MAN2B2: variants seen among roughly 807,000 people sequenced by gnomAD.
MAN2B2 encodes the protein epididymis-specific alpha-mannosidase.
In MAN2B2, 106 loss-of-function variants were observed where a neutral mutation model predicts 117.1. The ratio of observed to expected loss-of-function variants is 0.90; its 90% CI spans 0.77 to 1.06. The LOEUF is 1.06. Ranked by LOEUF, MAN2B2 falls within the 50% of genes least tolerant of loss-of-function variation. MAN2B2 has a pLI of 0.00. For missense variants in MAN2B2, 1,326 were observed against 1,381.4 expected (o/e 0.96, Z 0.64); for synonymous variants, 544 against 595.1 (o/e 0.91, Z 1.25).
intron 5 of MAN2B2, among the ~76,000 whole-genome samples, chr4:6,590,016 C>A (rs906483898): frequency 2.5e-4 from 38 of 151,924 alleles, no homozygotes; most frequent in African/African-American, 8.9e-4. Flanking sequence ...ACAGTGAGCT[C>A]TGATGGTACC....
chr4:6,614,419 G>A (rs1711756713), intron 16 of MAN2B2, 64 bp downstream of exon 16: 32 of 1,579,644 alleles, frequency 2.0e-5, no homozygotes, highest in Non-Finnish European at 2.5e-5. Context: ...AGGCCACCGG[G>A]CCCACCACCA....
intron 11 of MAN2B2, among the ~76,000 whole-genome samples, chr4:6,605,584 A>G (rs1010211849): frequency 6.6e-6 from 1 of 151,790 alleles, no homozygotes; most frequent in Non-Finnish European, 1.5e-5. Context: ...TCACTCTGGG[A>G]AAAAAAAATT....
intron 3 of MAN2B2, among the ~76,000 whole-genome samples, chr4:6,580,953 C>A (rs1726405057): frequency 6.6e-6 from 1 of 152,196 alleles, no homozygotes; most frequent in South Asian, 2.1e-4. Context: ...CCTCCAGAGA[C>A]ACAAGAGACA....
chr4:6,605,116 G>A lies in MAN2B2; in HGVS notation c.1601G>A (p.Gly534Asp). Residue 534 changes from glycine to aspartate, a missense_variant, in exon 11 of 19, where the codon GGC becomes GAC. Physicochemically the swap from Gly to Asp is moderately conservative, Grantham distance 94. Coordinates refer to ENST00000285599, the MANE Select transcript of MAN2B2 (RefSeq NM_015274.3). ...YDLLILTTIP[G>D]LSYRHYNIRP... ...CTGCTTATTCTGACCACAATCCCAGGCCTCAGTTACCGGCACTACAACATC... is the reference window on the plus strand; with the variant it reads ...CTGCTTATTCTGACCACAATCCCAGACCTCAGTTACCGGCACTACAACATC... 6.2e-7 allele frequency: 1 copy of A among 1,614,144 alleles called. No individual in the cohort carries two copies. Among genetic ancestry groups the A allele is most frequent in the African/African-American group, 1.3e-5 (1 of 75,016 alleles).
In MAN2B2 at chr4:6,605,121, A is replaced by G. The variant is rs1298192103; in HGVS notation, c.1606A>G (p.Ser536Gly). ...TATTCTGACCACAATCCCAGGCCTC[A>G]GTTACCGGCACTACAACATCAGACC... ...LLILTTIPGL[S>G]YRHYNIRPTA... The change falls in exon 11 of 19, where the codon AGT becomes GGT. Residue 536 changes from serine to glycine, a missense_variant. Coordinates refer to ENST00000285599, the MANE Select transcript of MAN2B2 (RefSeq NM_015274.3). 1 of 1,613,968 alleles carries G rather than the reference A, an allele frequency of 6.2e-7. No individual in the cohort carries two copies. Among genetic ancestry groups the G allele is most frequent in the African/African-American group, 1.3e-5 (1 of 74,924 alleles).
intron 10 of MAN2B2, among the ~76,000 whole-genome samples, chr4:6,602,704 C>G (rs1727378578): frequency 6.6e-6 from 1 of 151,344 alleles, no homozygotes; most frequent in South Asian, 2.1e-4. Flanking sequence ...AAGTCTCACC[C>G]TGTCATGCAG....
chr4:6,586,137 CT>C (rs1427107410), intron 3 of MAN2B2, among the ~76,000 whole-genome samples: 1 of 152,012 alleles, frequency 6.6e-6, no homozygotes, highest in African/African-American at 2.4e-5. Context: ...CAGCCTCAAC[CT>C]CCTGAGCTCA....
chr4:6,597,011 G>C (rs1035629211), intron 7 of MAN2B2, 102 bp from the exon 8 acceptor site: 2 of 1,205,186 alleles, frequency 1.7e-6, no homozygotes, highest in Admixed American at 2.2e-5. Flanking sequence ...CCCTGGCAGA[G>C]GCTGCCTCTG....
At chr4:6,619,884 G>A (rs755376921) in intron 17 of MAN2B2, 43 bp from the exon 18 acceptor site, 17 of 1,571,580 alleles carry the variant, frequency 1.1e-5, no homozygotes, top group Non-Finnish European at 1.3e-5. Flanking sequence ...CTCAGCTCTG[G>A]AACTTGGTGC....
chr4:6,614,367 GCC>G lies in MAN2B2; in HGVS notation c.2701+14_2701+15del. On this transcript the variant is annotated intron_variant, in intron 16 of 18. Coordinates refer to ENST00000285599, the MANE Select transcript of MAN2B2 (RefSeq NM_015274.3). ...GAATCTCCGGAAAGGTGAGGCAGGT[GCC>G]CTGGCGTCTCAGACCTGCTCCTCCC... The G allele has an allele frequency of 6.2e-7, 1 of 1,612,550 alleles. No individual in the cohort carries two copies. Among genetic ancestry groups the G allele is most frequent in the South Asian group, 1.1e-5 (1 of 91,032 alleles).
chr4:6,597,439 T>C, intron 8 of MAN2B2, 136 bp downstream of exon 8: 1 of 1,010,372 alleles, frequency 9.9e-7, no homozygotes, highest in Non-Finnish European at 1.4e-6. Flanking sequence ...GAGGTTCCCT[T>C]TGGTTACAAG....
chr4:6,618,511 G>C (rs1236038510), intron 17 of MAN2B2: 1 of 152,210 alleles, frequency 6.6e-6, no homozygotes, highest in African/African-American at 2.4e-5. Context: ...TGCCCAGAAG[G>C]TTGCTGAGAG....
intron 1 of MAN2B2, 90 bp downstream of exon 1, chr4:6,575,438 A>T (rs1249305303): frequency 1.9e-6 from 2 of 1,035,382 alleles, no homozygotes; most frequent in Non-Finnish European, 2.7e-6. Context: ...CCGGGGCCCG[A>T]TGCCGGCGCA....
chr4:6,603,375 G>A (rs750667796), intron 10 of MAN2B2, among the ~76,000 whole-genome samples: 4 of 152,162 alleles, frequency 2.6e-5, no homozygotes, highest in Non-Finnish European at 4.4e-5. Flanking sequence ...GGACCTGAGC[G>A]AGGCCAGGCC....
chr4:6,576,470 A>C, intron 1 of MAN2B2, 108 bp from the exon 2 acceptor site: 1 of 1,328,018 alleles, frequency 7.5e-7, no homozygotes, highest in Non-Finnish European at 1.0e-6. Flanking sequence ...GCAGGGAAGG[A>C]AGGGCAGAGC....
Position 6,619,922 on chromosome 4 carries a change from T to TG in MAN2B2, c.2815-4dup. On this transcript the variant is annotated splice_region_variant and splice_polypyrimidine_tract_variant and intron_variant, in intron 17 of 18. Coordinates refer to ENST00000285599, the MANE Select transcript of MAN2B2 (RefSeq NM_015274.3). ...CTCACTCTCCCTCTGCTCCTCTCCC[T>TG]GCAGGCTGTGCTGCAGGCGCTGGGG... 6 of 1,613,088 alleles carry TG rather than the reference T, an allele frequency of 3.7e-6. No individual in the cohort carries two copies. The highest frequency in any genetic ancestry group is 5.1e-6 in the Non-Finnish European group (6 of 1,179,352).
chr4:6,577,484 G>GC (rs963484734), intron 2 of MAN2B2, among the ~76,000 whole-genome samples: 2 of 152,188 alleles, frequency 1.3e-5, no homozygotes, highest in African/African-American at 4.8e-5. Context: ...CGTCCACCAG[G>GC]CCCCGCCAGA....
chr4:6,611,185 C>A lies in MAN2B2; in HGVS notation c.2470C>A (p.Leu824Met), dbSNP rs758574727. ...AGTCGTCCACCCAGTGCTCTGGCTT[C>A]TGCTGGGATCCTGGTCCCTCACCAC... ...TSVVHPVLWL[L>M]LGSWSLTTAL... The change falls in exon 15 of 19, where the codon CTG (leucine) becomes ATG (methionine). Residue 824 changes from leucine (L) to methionine (M), a missense_variant. Leu to Met is a conservative substitution (Grantham distance 15, BLOSUM62 2). Transcript: ENST00000285599. The A allele has an allele frequency of 1.9e-6, 3 of 1,613,880 alleles. No individual in the cohort carries two copies.
chr4:6,583,652 G>A (rs1198870232), intron 3 of MAN2B2, among the ~76,000 whole-genome samples: 2 of 152,188 alleles, frequency 1.3e-5, no homozygotes, highest in Non-Finnish European at 2.9e-5. Context: ...GGGGCATAAG[G>A]CAGAAAAAGA....
Sources: gnomAD v4.1 joint callset for allele counts (sites outside exome capture counted in the v4.1 genomes callset) on GRCh38, gnomAD v4.1.1 for gene constraint, MANE v1.5 for transcripts, NCBI Gene and HGNC (gene_info 2026-07-23, HGNC 2026-07-21) for gene names.